TEAD1: variants seen among roughly 807,000 people sequenced by gnomAD.
The protein encoded by TEAD1 is TEA domain transcription factor 1, also known as transcriptional enhancer factor TEF-1.
TEAD1 carries 9 observed loss-of-function variants against 54.9 expected under a neutral mutation model. The observed-to-expected ratio is 0.16, with a 90% CI of 0.10 to 0.29. The LOEUF is 0.29. TEAD1 is among the 10% of genes least tolerant of loss of function. The pLI is 1.00. For synonymous variants in TEAD1, 200 were observed against 187.8 expected (o/e 1.07, Z -0.53); for missense variants, 387 against 535.9 (o/e 0.72, Z 2.74).
At chr11:12,764,813 A>G (rs922641032) in intron 3 of TEAD1, among the ~76,000 whole-genome samples, 2 of 150,978 alleles carry the variant, frequency 1.3e-5, no homozygotes, top group East Asian at 3.9e-4. Flanking sequence ...AACTGATGTC[A>G]CTAGGAATGG....
intron 2 of TEAD1, among the ~76,000 whole-genome samples, chr11:12,722,979 T>C (rs1944242352): frequency 6.6e-6 from 1 of 152,192 alleles, no homozygotes; most frequent in East Asian, 1.9e-4. Flanking sequence ...TCTAGATTTT[T>C]TTTTTTCTGT....
At chr11:12,705,481 TG>T (rs964478706) in intron 2 of TEAD1, among the ~76,000 whole-genome samples, 9 of 152,156 alleles carry the variant, frequency 5.9e-5, no homozygotes, top group African/African-American at 2.2e-4. Context: ...GATAGGAGTG[TG>T]GGTGTGGCAC....
At chr11:12,778,573 G>A (rs2133945026) in intron 3 of TEAD1, among the ~76,000 whole-genome samples, 1 of 146,038 alleles carries the variant, frequency 6.8e-6, no homozygotes, top group African/African-American at 2.6e-5. Context: ...GCACTGTCAG[G>A]CTCTGTTTCT....
At chr11:12,702,335 G>A (rs985259907) in intron 2 of TEAD1, among the ~76,000 whole-genome samples, 2 of 152,156 alleles carry the variant, frequency 1.3e-5, no homozygotes, top group African/African-American at 4.8e-5. Context: ...GTTAAGTGGA[G>A]TTTGTCTCTC....
intron 3 of TEAD1, among the ~76,000 whole-genome samples, chr11:12,773,134 T>A (rs1945346881): frequency 1.3e-5 from 2 of 152,210 alleles, no homozygotes; most frequent in South Asian, 4.1e-4. Flanking sequence ...TGAGTAGTAT[T>A]CTGTGGTGTG....
chr11:12,879,521 G>A, intron 5 of TEAD1, 187 bp from the exon 6 acceptor site: 1 of 735,924 alleles, frequency 1.4e-6, no homozygotes, highest in South Asian at 1.5e-5. Context: ...CCCAGTAAAT[G>A]TTGAGAGGTA....
At chr11:12,867,001 AAG>A (rs1163298383) in intron 5 of TEAD1, among the ~76,000 whole-genome samples, 7 of 152,160 alleles carry the variant, frequency 4.6e-5, no homozygotes, top group Non-Finnish European at 1.0e-4. Flanking sequence ...TGGCAATTGA[AAG>A]AGGAAAGGCA....
intron 8 of TEAD1, among the ~76,000 whole-genome samples, chr11:12,882,482 G>T (rs1255562144): frequency 6.6e-6 from 1 of 152,100 alleles, no homozygotes; most frequent in Non-Finnish European, 1.5e-5. Flanking sequence ...ACTACTTGAG[G>T]TGTACAGTAT....
At chr11:12,899,228 G>A (rs181412276) in intron 9 of TEAD1, among the ~76,000 whole-genome samples, 5 of 152,308 alleles carry the variant, frequency 3.3e-5, no homozygotes, top group South Asian at 2.1e-4. Context: ...GAACTGGGGC[G>A]GTCTGAGAGC....
rs1366323903 is a variant in TEAD1, at chr11:12,940,106, GC to G, written c.*2885del. The G allele has an allele frequency of 6.6e-6, 1 of 152,240 alleles. No homozygotes were observed. Among genetic ancestry groups the G allele is most frequent in the East Asian group, 1.9e-4 (1 of 5,194 alleles). The allele number at this position is 152,240 out of a possible 1,614,324, so 9.4% of individuals were successfully genotyped here. On this transcript the variant is annotated 3_prime_UTR_variant, in exon 13 of 13. Coordinates refer to ENST00000527636, the MANE Select transcript of TEAD1 (RefSeq NM_021961.6). ...TTTTCCACAGCCTAAACAGGGAGGA[GC>G]TGCAGAATGGGGCTCTGGTCTCTGG...
chr11:12,709,956 A>C (rs758707732), intron 2 of TEAD1, among the ~76,000 whole-genome samples: 1 of 152,082 alleles, frequency 6.6e-6, no homozygotes, highest in East Asian at 1.9e-4. Context: ...AAAGTCCTAC[A>C]ACATCTTTTT....
Position 12,943,512 on chromosome 11 carries a change from CTTCTT to C in TEAD1, c.*6294_*6298del, listed in dbSNP as rs1345890931. 6.6e-6 allele frequency: 1 copy of C among 152,616 alleles called. No individual in the cohort carries two copies. The highest frequency in any genetic ancestry group is 2.4e-5 in the African/African-American group (1 of 41,568). 9.5% of individuals were successfully genotyped at this position (152,616 alleles called of 1,614,324 possible). ...TATTGTCCTACTTCCTAAGCCGTAA[CTTCTT>C]TTCCTCTGTGAATTTGCATTGAGTC... On this transcript the variant is annotated 3_prime_UTR_variant, in exon 13 of 13. Transcript: ENST00000527636.
chr11:12,863,092 C>T (rs1001638455), intron 4 of TEAD1, among the ~76,000 whole-genome samples: 4 of 151,952 alleles, frequency 2.6e-5, no homozygotes, highest in African/African-American at 7.2e-5. Flanking sequence ...TTTTTAATGT[C>T]GATTTATGCT....
chr11:12,850,987 A>G, intron 3 of TEAD1: 1 of 853,132 alleles, frequency 1.2e-6, no homozygotes, highest in Non-Finnish European at 1.4e-6. Flanking sequence ...TTGCAACTTT[A>G]AAAGGATTTA....
intron 9 of TEAD1, among the ~76,000 whole-genome samples, chr11:12,886,928 A>G (rs183978305): frequency 1.3e-5 from 2 of 152,336 alleles, no homozygotes; most frequent in African/African-American, 2.4e-5. Flanking sequence ...ATTAGACATT[A>G]CCAGCCAGAG....
intron 3 of TEAD1, among the ~76,000 whole-genome samples, chr11:12,781,779 C>A (rs1422732606): frequency 6.6e-6 from 1 of 151,272 alleles, no homozygotes; most frequent in Non-Finnish European, 1.5e-5. Flanking sequence ...AAAAGACTCA[C>A]CATAGAGTTA....
intron 2 of TEAD1, among the ~76,000 whole-genome samples, chr11:12,681,947 G>T (rs1291475865): frequency 6.6e-6 from 1 of 152,224 alleles, no homozygotes; most frequent in Non-Finnish European, 1.5e-5. Context: ...TGCCACATCA[G>T]TGGTTCCCAC....
At chr11:12,837,723 T>TCTCCTC (rs1491194593) in intron 3 of TEAD1, among the ~76,000 whole-genome samples, 7 of 95,318 alleles carry the variant, frequency 7.3e-5, no homozygotes, top group Non-Finnish European at 1.2e-4. Flanking sequence ...TCCTTCTCCT[T>TCTCCTC]CTTCTTCTCC....
intron 3 of TEAD1, among the ~76,000 whole-genome samples, chr11:12,843,174 G>A (rs1301875978): frequency 6.6e-6 from 1 of 152,164 alleles, no homozygotes; most frequent in Non-Finnish European, 1.5e-5. Flanking sequence ...GCCCTTTCTT[G>A]GTCTTGGGAG....
Sources: allele counts gnomAD v4.1 joint callset (sites outside exome capture counted in the v4.1 genomes callset), GRCh38; gene constraint gnomAD v4.1.1; transcripts MANE v1.5; gene names NCBI Gene and HGNC (gene_info 2026-07-23, HGNC 2026-07-21).